The following GPR158 variants were observed in gnomAD, a reference collection of about 807,000 sequenced individuals.
The protein encoded by GPR158 is metabotropic glycine receptor.
Under a neutral mutation model 78.2 loss-of-function variants are expected in GPR158, and 30 were observed. The ratio of observed to expected loss-of-function variants is 0.38; its 90% CI spans 0.29 to 0.52. GPR158 has a LOEUF of 0.52. GPR158 is among the 20% of genes least tolerant of loss of function. The probability of loss-of-function intolerance (pLI) is 0.83; values close to 1 mark genes in which losing one functional copy is unlikely to be tolerated. For missense variants in GPR158, 1,463 were observed against 1,523.5 expected (o/e 0.96, Z 0.66); for synonymous variants, 581 against 591.1 (o/e 0.98, Z 0.25).
intron 4 of GPR158, among the ~76,000 whole-genome samples, chr10:25,450,585 C>T (rs1244018168): frequency 6.6e-6 from 1 of 152,012 alleles, no homozygotes; most frequent in Non-Finnish European, 1.5e-5. Flanking sequence ...ACCCTAGAGA[C>T]AATTTAGAGA....
At chr10:25,331,563 T>G (rs147951562) in intron 2 of GPR158, among the ~76,000 whole-genome samples, 2 of 152,326 alleles carry the variant, frequency 1.3e-5, no homozygotes, top group East Asian at 3.9e-4. Flanking sequence ...ACTTAAACAT[T>G]ACTCCAGGAG....
At chr10:25,383,358 A>T (rs994955469) in intron 2 of GPR158, among the ~76,000 whole-genome samples, 6 of 152,314 alleles carry the variant, frequency 3.9e-5, no homozygotes, top group South Asian at 2.1e-4. Flanking sequence ...CTGGAATTAG[A>T]TAAGTCTCCG....
intron 2 of GPR158, among the ~76,000 whole-genome samples, chr10:25,373,639 C>A (rs1554798121): frequency 6.6e-6 from 1 of 151,756 alleles, no homozygotes; most frequent in Non-Finnish European, 1.5e-5. Context: ...TCATTTGGTT[C>A]AAAATGTTTT....
chr10:25,441,216 C>T (rs1172122381), intron 4 of GPR158, among the ~76,000 whole-genome samples: 1 of 152,168 alleles, frequency 6.6e-6, no homozygotes, highest in Non-Finnish European at 1.5e-5. Flanking sequence ...CTTATTAACT[C>T]AGAATCACAG....
At position 25,600,857 on chromosome 10, in the gene GPR158, C is replaced by T. The variant is rs1837486812; in HGVS notation, c.*1583C>T. 6.6e-6 allele frequency: 1 copy of T among 152,134 alleles called. No homozygotes were observed. The highest frequency in any genetic ancestry group is 2.4e-5 in the African/African-American group (1 of 41,438). 9.4% of individuals were successfully genotyped at this position (152,134 alleles called of 1,614,324 possible). A position where few individuals can be genotyped will look rare whatever the true frequency, so the allele number is the denominator to read the frequency against. On this transcript the variant is annotated 3_prime_UTR_variant, in exon 11 of 11. Coordinates refer to ENST00000376351, the MANE Select transcript of GPR158 (RefSeq NM_020752.3). ...CACACTGATCTCTTGGCATGGGAAT[C>T]CTAAGCTGCCGACTAAGCCCTACCG...
chr10:25,508,013 G>A (rs992719562), intron 5 of GPR158, among the ~76,000 whole-genome samples: 3 of 152,110 alleles, frequency 2.0e-5, no homozygotes, highest in South Asian at 2.1e-4. Context: ...CAAAAAAGGC[G>A]GGATGATTAC....
intron 1 of GPR158, among the ~76,000 whole-genome samples, chr10:25,212,726 G>T (rs565110723): frequency 6.9e-6 from 1 of 145,490 alleles, no homozygotes; most frequent in Non-Finnish European, 1.5e-5. Flanking sequence ...CTGCCTCCTG[G>T]GTTCAAGCGA....
chr10:25,338,620 A>ATATTATTATGTAT (rs1180080891), intron 2 of GPR158, among the ~76,000 whole-genome samples: 1 of 147,238 alleles, frequency 6.8e-6, no homozygotes. Flanking sequence ...AAAATCATAT[A>ATATTATTATGTAT]AATATATAAG....
intron 2 of GPR158, among the ~76,000 whole-genome samples, chr10:25,329,628 T>A (rs1305346749): frequency 2.0e-5 from 3 of 151,900 alleles, no homozygotes; most frequent in Admixed American, 6.6e-5. Flanking sequence ...ATTGAATAAT[T>A]TATTATTCCA....
chr10:25,179,429 TTA>T (rs1852586638), intron 1 of GPR158, among the ~76,000 whole-genome samples: 1 of 152,128 alleles, frequency 6.6e-6, no homozygotes, highest in African/African-American at 2.4e-5. Flanking sequence ...TTCCCAGGTC[TTA>T]CTTACAAGAT....
chr10:25,283,250 T>G (rs1052936951), intron 2 of GPR158, among the ~76,000 whole-genome samples: 2 of 152,196 alleles, frequency 1.3e-5, no homozygotes, highest in South Asian at 4.1e-4. Flanking sequence ...AAGGAACTGG[T>G]AATTTTATTT....
Position 25,370,460 on chromosome 10 carries a change from C to T in GPR158, c.1009-25451C>T, listed in dbSNP as rs548261141. On this transcript the variant is annotated intron_variant, in intron 2 of 10. Coordinates refer to ENST00000376351, the MANE Select transcript of GPR158 (RefSeq NM_020752.3). Reference sequence around the variant, plus strand: ...CATTCAGGATCAGGTTGTTCAGTTTCCATGTAGTTGAGTGGTTTTGAGTGA... The same window carrying T: ...CATTCAGGATCAGGTTGTTCAGTTTTCATGTAGTTGAGTGGTTTTGAGTGA... 1.5e-3 allele frequency among the ~76,000 whole-genome samples: 103 copies of T among 67,070 alleles called. 17 individuals are homozygous for T. The highest frequency in any genetic ancestry group is 4.4e-3 in the African/African-American group (68 of 15,572). 44.0% of individuals were successfully genotyped at this position (67,070 alleles called of 152,430 possible).
chr10:25,213,961 T>C (rs1853170094), intron 1 of GPR158, among the ~76,000 whole-genome samples: 1 of 152,270 alleles, frequency 6.6e-6, no homozygotes, highest in South Asian at 2.1e-4. Flanking sequence ...TTTATTTGCA[T>C]ATTGTCTCTT....
At chr10:25,207,451 G>A (rs766910387) in intron 1 of GPR158, among the ~76,000 whole-genome samples, 15 of 152,172 alleles carry the variant, frequency 9.9e-5, no homozygotes, top group Non-Finnish European at 8.8e-5. Flanking sequence ...ATCGATGGTG[G>A]GGAAGGGGGA....
intron 3 of GPR158, among the ~76,000 whole-genome samples, chr10:25,403,266 A>C (rs1834469699): frequency 6.6e-6 from 1 of 152,036 alleles, no homozygotes; most frequent in African/African-American, 2.4e-5. Flanking sequence ...TCAATGAAAT[A>C]AAATTAAGGC....
chr10:25,336,507 T>C (rs1181371070), intron 2 of GPR158, among the ~76,000 whole-genome samples: 1 of 152,046 alleles, frequency 6.6e-6, no homozygotes, highest in Non-Finnish European at 1.5e-5. Context: ...TAGACTCTGA[T>C]AGATCTTATC....
chr10:25,507,139 A>C (rs1294803637), intron 5 of GPR158, among the ~76,000 whole-genome samples: 2 of 152,224 alleles, frequency 1.3e-5, no homozygotes, highest in African/African-American at 2.4e-5. Flanking sequence ...TGCTAGCCAT[A>C]GGACAGATGG....
At chr10:25,446,230 A>C (rs1338251694) in intron 4 of GPR158, among the ~76,000 whole-genome samples, 1 of 152,206 alleles carries the variant, frequency 6.6e-6, no homozygotes, top group Non-Finnish European at 1.5e-5. Context: ...TGATTTATTT[A>C]TTCTATTGGT....
At chr10:25,236,364 T>C (rs1853525017) in intron 2 of GPR158, among the ~76,000 whole-genome samples, 4 of 151,652 alleles carry the variant, frequency 2.6e-5, no homozygotes, top group South Asian at 4.2e-4. Context: ...AGAAATTAGC[T>C]GGGCGTGGTG....
Sources: allele counts gnomAD v4.1 joint callset (sites outside exome capture counted in the v4.1 genomes callset), GRCh38; gene constraint gnomAD v4.1.1; transcripts MANE v1.5; gene names NCBI Gene and HGNC (gene_info 2026-07-23, HGNC 2026-07-21).